The following EYS variants were observed in gnomAD, a reference collection of about 807,000 sequenced individuals.
EYS encodes the protein EGF-like photoreceptor maintenance factor, also known as protein eyes shut homolog.
In EYS, 250 loss-of-function variants were observed where a neutral mutation model predicts 282.1. That is an observed-to-expected ratio of 0.89 (90% CI 0.80 to 0.98). The LOEUF is 0.98. Ranked by LOEUF, EYS falls within the 50% of genes least tolerant of loss-of-function variation. The probability of loss-of-function intolerance (pLI) is 0.00; values close to 1 mark genes in which losing one functional copy is unlikely to be tolerated. For missense variants in EYS, 4,016 were observed against 3,709.0 expected (o/e 1.08, Z -2.15); for synonymous variants, 1,355 against 1,282.9 (o/e 1.06, Z -1.20).
chr6:64,110,993 G>T (rs764937500), intron 31 of EYS, among the ~76,000 whole-genome samples: 3 of 152,012 alleles, frequency 2.0e-5, no homozygotes, highest in Non-Finnish European at 4.4e-5. Flanking sequence ...TAGGGCAGTA[G>T]CTGCACAGTA....
In EYS at chr6:65,369,330, T is replaced by A. The variant is rs13200600; in HGVS notation, c.1299+15056A>T. Among the ~76,000 whole-genome samples the A allele has an allele frequency of 6.3e-3, 869 of 138,288 alleles. 9 individuals carry two copies. Among genetic ancestry groups the A allele is most frequent in the African/African-American group, 0.018 (696 of 38,396 alleles). 90.7% of individuals were successfully genotyped at this position (138,288 alleles called of 152,430 possible). On this transcript the variant is annotated intron_variant, in intron 8 of 42. Transcript: ENST00000503581. ...TAATATATATATTATATATATATATTTATATATATATATATCTCATTCTGA... is the reference window on the plus strand; with the variant it reads ...TAATATATATATTATATATATATATATATATATATATATATCTCATTCTGA...
chr6:65,403,331 A>G (rs1169414584), intron 6 of EYS, among the ~76,000 whole-genome samples: 1 of 151,978 alleles, frequency 6.6e-6, no homozygotes, highest in African/African-American at 2.4e-5. Flanking sequence ...TGCATTCAAA[A>G]TACAACCTAA....
At chr6:63,728,602 A>C (rs1286108984) in intron 41 of EYS, among the ~76,000 whole-genome samples, 1 of 152,222 alleles carries the variant, frequency 6.6e-6, no homozygotes, top group Non-Finnish European at 1.5e-5. Flanking sequence ...TTCATCATTT[A>C]CATAGGATTC....
intron 26 of EYS, among the ~76,000 whole-genome samples, chr6:64,510,645 A>G (rs1777360421): frequency 6.6e-6 from 1 of 152,226 alleles, no homozygotes; most frequent in African/African-American, 2.4e-5. Flanking sequence ...TTGTTTTAAA[A>G]TCATAAATTA....
At chr6:65,643,913 A>G (rs1456048042) in intron 1 of EYS, among the ~76,000 whole-genome samples, 2 of 152,130 alleles carry the variant, frequency 1.3e-5, no homozygotes, top group East Asian at 1.9e-4. Context: ...GGACAAAAAA[A>G]TCTGAACAGC....
intron 22 of EYS, among the ~76,000 whole-genome samples, chr6:64,715,091 G>A (rs1771342997): frequency 6.6e-6 from 1 of 151,754 alleles, no homozygotes; most frequent in South Asian, 2.1e-4. Context: ...ATGGACTGGG[G>A]GTGAGATATG....
rs1422927407 is a variant in EYS at position 65,674,087 on chromosome 6, C to A, written c.-448+33048G>T. On this transcript the variant is annotated intron_variant, in intron 1 of 42. Coordinates refer to ENST00000503581, the MANE Select transcript of EYS (RefSeq NM_001142800.2). ...AATTGTGCAGAAGAAAAACAGTGAA[C>A]TTTTGAAATGACAAGCAAAAAGAAA... 2.0e-5 allele frequency among the ~76,000 whole-genome samples: 3 copies of A among 151,734 alleles called. 1 individual carries two copies. The East Asian group carries it at 5.8e-4, about 30-fold the overall frequency.
At chr6:65,072,437 T>C (rs1204348387) in intron 12 of EYS, among the ~76,000 whole-genome samples, 2 of 151,808 alleles carry the variant, frequency 1.3e-5, no homozygotes, top group African/African-American at 4.8e-5. Context: ...TGTCTCTTTC[T>C]AAACATCCAT....
intron 33 of EYS, among the ~76,000 whole-genome samples, chr6:64,019,362 T>C (rs904493002): frequency 7.2e-5 from 11 of 152,222 alleles, no homozygotes; most frequent in Non-Finnish European, 1.3e-4. Flanking sequence ...TTTGTGTCCA[T>C]TTCTTATAGT....
intron 22 of EYS, among the ~76,000 whole-genome samples, chr6:64,635,133 C>T (rs1018306950): frequency 5.9e-5 from 9 of 152,134 alleles, no homozygotes; most frequent in Middle Eastern, 6.8e-3. Context: ...TTGTCTGTTA[C>T]TGGTGTATAA....
At chr6:64,186,248 T>TACACACACAC (rs34727951) in intron 31 of EYS, among the ~76,000 whole-genome samples, 447 of 147,066 alleles carry the variant, frequency 3.0e-3, no homozygotes, top group Admixed American at 4.9e-3. Flanking sequence ...ATGTGTGTTT[T>TACACACACAC]ACACACACAC....
chr6:64,916,039 T>A (rs962086607), intron 15 of EYS, among the ~76,000 whole-genome samples: 3 of 152,198 alleles, frequency 2.0e-5, no homozygotes, highest in African/African-American at 7.2e-5. Context: ...TTATTTTGCT[T>A]GAAATAACAT....
At position 64,904,830 on chromosome 6, in the gene EYS, A is replaced by G. The variant is rs141832162; in HGVS notation, c.2642-2330T>C. 9.3e-4 allele frequency among the ~76,000 whole-genome samples: 141 copies of G among 152,174 alleles called. No individual in the cohort carries two copies. The East Asian group carries it at 0.017, about 19-fold the overall frequency. The stretch of plus-strand genomic sequence containing the variant: ...ACCTTGTTTCCTGTGATTTTGTCAT[A>G]TTTATTAAGTTTGACATTTCTGAGA... On this transcript the variant is annotated intron_variant, in intron 16 of 42. Coordinates refer to ENST00000503581, the MANE Select transcript of EYS (RefSeq NM_001142800.2).
At chr6:65,336,335 T>C (rs1582155098) in intron 10 of EYS, among the ~76,000 whole-genome samples, 1 of 151,860 alleles carries the variant, frequency 6.6e-6, no homozygotes, top group East Asian at 1.9e-4. Context: ...TGAAATAATA[T>C]GTTTCTTTAG....
At chr6:63,981,323 A>G (rs1582073942) in intron 35 of EYS, among the ~76,000 whole-genome samples, 1 of 151,842 alleles carries the variant, frequency 6.6e-6, no homozygotes, top group East Asian at 1.9e-4. Context: ...GTTTTCTTGT[A>G]TTAAACTTCT....
chr6:63,996,731 A>C (rs1262115032), intron 34 of EYS, among the ~76,000 whole-genome samples: 2 of 152,130 alleles, frequency 1.3e-5, no homozygotes, highest in African/African-American at 4.8e-5. Context: ...TCTGTATTTG[A>C]AGATAATAAT....
chr6:65,398,271 T>C (rs1222777189), intron 7 of EYS, among the ~76,000 whole-genome samples: 1 of 151,922 alleles, frequency 6.6e-6, no homozygotes, highest in Non-Finnish European at 1.5e-5. Context: ...AGCATGGTAT[T>C]GATATATAAA....
rs561899426 is a variant in EYS, at chr6:64,903,271, C to T, written c.2642-771G>A. Among the ~76,000 whole-genome samples, 14 of 151,898 alleles carry T rather than the reference C, an allele frequency of 9.2e-5. No individual in the cohort carries two copies. In the South Asian group the frequency reaches 2.9e-3, roughly 32 times the overall value. On this transcript the variant is annotated intron_variant, in intron 16 of 42. Transcript: ENST00000503581. ...TCAAACATGTAAGAAACAAGATTTCCCTTTATTTTGCTTTTTCAGTGATAT... is the reference window on the plus strand; with the variant it reads ...TCAAACATGTAAGAAACAAGATTTCTCTTTATTTTGCTTTTTCAGTGATAT...
chr6:63,829,982 C>G (rs575909297), intron 36 of EYS, among the ~76,000 whole-genome samples: 4 of 152,226 alleles, frequency 2.6e-5, no homozygotes, highest in Non-Finnish European at 1.5e-5. Flanking sequence ...GAAACTCCAA[C>G]AGACCTGCAG....
Sources: gnomAD v4.1 joint callset for allele counts (sites outside exome capture counted in the v4.1 genomes callset) on GRCh38, gnomAD v4.1.1 for gene constraint, MANE v1.5 for transcripts, NCBI Gene and HGNC (gene_info 2026-07-23, HGNC 2026-07-21) for gene names.